The following BICD2 variants were observed in gnomAD, a reference collection of about 807,000 sequenced individuals.
BICD2 encodes the protein BICD cargo adaptor 2.
A neutral mutation model predicts 72.9 loss-of-function variants in BICD2; 25 were observed. That is an observed-to-expected ratio of 0.34 (90% CI 0.25 to 0.48). The LOEUF (loss-of-function observed/expected upper bound fraction) is 0.48, where lower values mean the gene tolerates loss of function less well. BICD2 is among the 20% of genes least tolerant of loss of function. BICD2 has a pLI of 0.99. For missense variants in BICD2, 894 were observed against 1,175.2 expected, an observed-to-expected ratio of 0.76 and a Z score of 3.50; for synonymous variants, 501 against 516.1, an observed-to-expected ratio of 0.97 and a Z score of 0.40.
intron 1 of BICD2, among the ~76,000 whole-genome samples, chr9:92,736,142 C>T (rs966500764): frequency 6.6e-6 from 1 of 152,290 alleles, no homozygotes; most frequent in Non-Finnish European, 1.5e-5. Context: ...GCACAAGATA[C>T]AGGTCATAAA....
chr9:92,727,098 A>G (rs531307209), intron 2 of BICD2, among the ~76,000 whole-genome samples: 10 of 152,128 alleles, frequency 6.6e-5, no homozygotes, highest in Non-Finnish European at 1.0e-4. Context: ...AAATGAGATC[A>G]TGTACTGCCG....
intron 1 of BICD2, among the ~76,000 whole-genome samples, chr9:92,733,890 C>G (rs911332066): frequency 1.3e-5 from 2 of 152,074 alleles, no homozygotes; most frequent in Non-Finnish European, 2.9e-5. Flanking sequence ...TGGCGTGAAC[C>G]CGGGAGGCGG....
intron 2 of BICD2, among the ~76,000 whole-genome samples, chr9:92,727,573 C>T (rs572919906): frequency 1.3e-5 from 2 of 152,306 alleles, no homozygotes; most frequent in South Asian, 2.1e-4. Context: ...TGGGGCTGAC[C>T]CTCAAAGGCC....
chr9:92,744,527 T>G (rs1853968125), intron 1 of BICD2, among the ~76,000 whole-genome samples: 1 of 152,210 alleles, frequency 6.6e-6, no homozygotes, highest in African/African-American at 2.4e-5. Context: ...AAGCTTATTT[T>G]TATTAAAAAC....
At chr9:92,718,511 CAT>C in intron 5 of BICD2, 26 bp downstream of exon 5, 2 of 1,586,714 alleles carry the variant, frequency 1.3e-6, no homozygotes, top group Non-Finnish European at 1.7e-6. Context: ...TAGTAGGTGA[CAT>C]GTGCCCCTGC....
intron 1 of BICD2, among the ~76,000 whole-genome samples, chr9:92,747,485 G>A (rs1854038208): frequency 6.6e-6 from 1 of 152,176 alleles, no homozygotes; most frequent in South Asian, 2.1e-4. Flanking sequence ...CAGGGATATG[G>A]CTCAGGACAG....
chr9:92,756,078 T>G (rs1854249296), intron 1 of BICD2, among the ~76,000 whole-genome samples: 1 of 152,142 alleles, frequency 6.6e-6, no homozygotes, highest in African/African-American at 2.4e-5. Context: ...GTGACAATAC[T>G]AGTTCCTCCC....
At chr9:92,742,964 C>T (rs1328995412) in intron 1 of BICD2, among the ~76,000 whole-genome samples, 2 of 152,222 alleles carry the variant, frequency 1.3e-5, no homozygotes, top group Admixed American at 6.5e-5. Context: ...CATCATTTGA[C>T]AGACACTTGG....
chr9:92,750,647 C>G lies in BICD2; in HGVS notation c.240+13858G>C, dbSNP rs563808889. Among the ~76,000 whole-genome samples the G allele has an allele frequency of 2.0e-5, 3 of 151,808 alleles. No individual in the cohort carries two copies. In the South Asian group the frequency reaches 6.2e-4, roughly 32 times the overall value. ...AGAGGTTGACGGGGGTGGATTTAAA[C>G]AGGTGAAGCATAGGGTTTTTTTTTT... On this transcript the variant is annotated intron_variant, in intron 1 of 6. Coordinates refer to ENST00000356884, the MANE Select transcript of BICD2 (RefSeq NM_001003800.2).
At chr9:92,752,493 C>A (rs916829190) in intron 1 of BICD2, among the ~76,000 whole-genome samples, 4 of 152,148 alleles carry the variant, frequency 2.6e-5, no homozygotes, top group Admixed American at 2.0e-4. Context: ...ATGGGCTGGG[C>A]ACAGTGGCTC....
intron 1 of BICD2, among the ~76,000 whole-genome samples, chr9:92,732,673 A>G (rs890911770): frequency 1.3e-5 from 2 of 152,352 alleles, no homozygotes; most frequent in Admixed American, 1.3e-4. Context: ...TTTAAACAAC[A>G]AAACAAAAAA....
Position 92,713,427 on chromosome 9 carries a change from C to T in BICD2, c.*1727G>A, listed in dbSNP as rs754894376. ...GGAAGGGGCTGCAGTGTGACAGGGC[C>T]GGGTGGCCAAGTCCTCCTGGCAGCT... On this transcript the variant is annotated 3_prime_UTR_variant, in exon 7 of 7. Transcript: ENST00000356884. 3.8e-6 allele frequency: 6 copies of T among 1,584,138 alleles called. No individual in the cohort carries two copies. The highest frequency in any genetic ancestry group is 4.3e-6 in the Non-Finnish European group (5 of 1,163,558).
chr9:92,715,307 C>A lies in BICD2; in HGVS notation c.2415G>T (p.Gln805His). 1 of 1,612,872 alleles carries A rather than the reference C, an allele frequency of 6.2e-7. No homozygotes were observed. Among genetic ancestry groups the A allele is most frequent in the Non-Finnish European group, 8.5e-7 (1 of 1,179,850 alleles). Residue 805 changes from glutamine (Q) to histidine (H), a missense_variant, in exon 7 of 7, where the codon CAG becomes CAT. Transcript: ENST00000356884. ...RLELLELDHEQTRRGRAKAAP... is the reference protein window; with the variant it reads ...RLELLELDHEHTRRGRAKAAP... Reference sequence around the variant, plus strand: ...CGGCTTTGGCACGGCCACGCCGGGTCTGCTCATGGTCCAGCTCGAGCAGCT... The same window carrying A: ...CGGCTTTGGCACGGCCACGCCGGGTATGCTCATGGTCCAGCTCGAGCAGCT...
At chr9:92,722,534 TG>T in intron 3 of BICD2, 121 bp downstream of exon 3, 1 of 1,340,478 alleles carries the variant, frequency 7.5e-7, no homozygotes, top group Non-Finnish European at 1.0e-6. Flanking sequence ...AAGCTGGCCC[TG>T]GGCCTCGGGT....
intron 1 of BICD2, among the ~76,000 whole-genome samples, chr9:92,761,610 T>C (rs1390924599): frequency 6.6e-6 from 1 of 152,234 alleles, no homozygotes; most frequent in African/African-American, 2.4e-5. Context: ...CTACAGTCCC[T>C]GCCTGTGCCC....
In BICD2 at chr9:92,713,976, C is replaced by T. The variant is rs1048945392; in HGVS notation, c.*1178G>A. ...GGTCCAGCTGGTCCCACAGGGTGAT[C>T]GGGAAAAAAGTACTGAGAAAAGTTC... On this transcript the variant is annotated 3_prime_UTR_variant, in exon 7 of 7. Transcript: ENST00000356884. 5 of 987,090 alleles carry T rather than the reference C, an allele frequency of 5.1e-6. No individual in the cohort carries two copies. The highest frequency in any genetic ancestry group is 3.6e-6 in the Non-Finnish European group (3 of 831,128). 61.1% of individuals were successfully genotyped at this position (987,090 alleles called of 1,614,324 possible).
rs549127046 is a variant in BICD2 at position 92,753,837 on chromosome 9, C to G, written c.240+10668G>C. Among the ~76,000 whole-genome samples, 4 of 152,036 alleles carry G rather than the reference C, an allele frequency of 2.6e-5. No homozygotes were observed. In the East Asian group the frequency reaches 7.8e-4, roughly 30 times the overall value. On this transcript the variant is annotated intron_variant, in intron 1 of 6. Transcript: ENST00000356884. ...TACAGGCGTGAGCCACCGTGCCCGG[C>G]CGGTAGCACAGTTTTATACACGTTC...
chr9:92,716,957 A>G (rs1039312852), intron 6 of BICD2, among the ~76,000 whole-genome samples: 5 of 152,212 alleles, frequency 3.3e-5, no homozygotes, highest in Admixed American at 6.5e-5. Context: ...TTGGCAAAGT[A>G]GAGGATGGGA....
chr9:92,714,275 T>C lies in BICD2; in HGVS notation c.*879A>G. On this transcript the variant is annotated 3_prime_UTR_variant, in exon 7 of 7. Coordinates refer to ENST00000356884, the MANE Select transcript of BICD2 (RefSeq NM_001003800.2). ...TAGGGTTTTCAAAGCCCCATGTCTT[T>C]GGGACTGAACCCCCTATGGAAGGCC... The C allele has an allele frequency of 1.0e-6, 1 of 985,532 alleles. No homozygotes were observed. Among genetic ancestry groups the C allele is most frequent in the Non-Finnish European group, 1.2e-6 (1 of 829,974 alleles). 61.0% of individuals were successfully genotyped at this position (985,532 alleles called of 1,614,324 possible).
Sources: allele counts gnomAD v4.1 joint callset (sites outside exome capture counted in the v4.1 genomes callset), GRCh38; gene constraint gnomAD v4.1.1; transcripts MANE v1.5; gene names NCBI Gene and HGNC (gene_info 2026-07-23, HGNC 2026-07-21).